The following PHKB variants were observed in gnomAD, a reference collection of about 807,000 sequenced individuals.
PHKB encodes the protein phosphorylase b kinase regulatory subunit beta.
A neutral mutation model predicts 152.1 loss-of-function variants in PHKB; 122 were observed. The ratio of observed to expected loss-of-function variants is 0.80; its 90% CI spans 0.69 to 0.93. The LOEUF (loss-of-function observed/expected upper bound fraction) is 0.93, where lower values mean the gene tolerates loss of function less well. PHKB is among the 40% of genes least tolerant of loss of function. PHKB has a pLI of 0.00. For missense variants in PHKB, 1,304 were observed against 1,328.4 expected, an observed-to-expected ratio of 0.98 and a Z score of 0.29; for synonymous variants, 436 against 464.9, an observed-to-expected ratio of 0.94 and a Z score of 0.80.
intron 6 of PHKB, among the ~76,000 whole-genome samples, chr16:47,526,216 C>T (rs892485136): frequency 2.0e-5 from 3 of 147,896 alleles, no homozygotes; most frequent in Non-Finnish European, 4.4e-5. Context: ...CGAGACCAGC[C>T]TGGCCAACAT....
intron 22 of PHKB, 42 bp downstream of exon 22, chr16:47,660,861 C>T: frequency 6.3e-7 from 1 of 1,598,894 alleles, no homozygotes; most frequent in Non-Finnish European, 8.6e-7. Flanking sequence ...AGTGAGGTTG[C>T]TGGAGCAGAA....
chr16:47,561,412 A>AGTGAT (rs1971473700), intron 7 of PHKB: 1 of 152,214 alleles, frequency 6.6e-6, no homozygotes, highest in African/African-American at 2.4e-5. Flanking sequence ...CAAAGAGGAA[A>AGTGAT]GTGATGTCTT....
chr16:47,521,242 T>C (rs2151655532), intron 6 of PHKB, among the ~76,000 whole-genome samples: 1 of 152,332 alleles, frequency 6.6e-6, no homozygotes, highest in East Asian at 1.9e-4. Context: ...TAAATCTTTT[T>C]CTTACCTAAT....
chr16:47,559,094 T>C (rs1971432347), intron 7 of PHKB, among the ~76,000 whole-genome samples: 1 of 152,202 alleles, frequency 6.6e-6, no homozygotes, highest in African/African-American at 2.4e-5. Context: ...GTTAACTGAA[T>C]GTAAGTTTTT....
intron 7 of PHKB, among the ~76,000 whole-genome samples, chr16:47,576,283 T>C (rs1971748246): frequency 6.6e-6 from 1 of 152,252 alleles, no homozygotes; most frequent in African/African-American, 2.4e-5. Flanking sequence ...TTTTGTTTGA[T>C]GCATTTTCTG....
chr16:47,598,070 CTA>C (rs951156274), intron 13 of PHKB: 29 of 152,080 alleles, frequency 1.9e-4, no homozygotes, highest in African/African-American at 7.0e-4. Context: ...CAAATAATGA[CTA>C]AAATAAAATG....
Position 47,648,419 on chromosome 16 carries a change from G to A in PHKB, c.1609-114G>A, listed in dbSNP as rs539564444. On this transcript the variant is annotated intron_variant, in intron 16 of 30. Transcript: ENST00000323584. Reference sequence around the variant, plus strand: ...TCTTCCTACAAGTTTTTGGATTAGGGTTCCCTAGCTTCTTTCTCTCTGGAA... The same window carrying A: ...TCTTCCTACAAGTTTTTGGATTAGGATTCCCTAGCTTCTTTCTCTCTGGAA... 13 of 798,946 alleles carry A rather than the reference G, an allele frequency of 1.6e-5. No homozygotes were observed. The African/African-American group carries it at 1.7e-4, about 10-fold the overall frequency. 49.5% of individuals were successfully genotyped at this position (798,946 alleles called of 1,614,324 possible). A position where few individuals can be genotyped will look rare whatever the true frequency, so the allele number is the denominator to read the frequency against.
At position 47,693,366 on chromosome 16, in the gene PHKB, C is replaced by G; in HGVS notation, c.2766-12C>G. 1 of 1,613,860 alleles carries G rather than the reference C, an allele frequency of 6.2e-7. No homozygotes were observed. Among genetic ancestry groups the G allele is most frequent in the East Asian group, 2.2e-5 (1 of 44,872 alleles). On this transcript the variant is annotated splice_polypyrimidine_tract_variant and intron_variant, in intron 27 of 30. Transcript: ENST00000323584. Reference sequence around the variant, plus strand: ...TGTTCTTCAACTCTGAGACATTTGCCTTTTGTTACAGATGTTGGCTGAACA... The same window carrying G: ...TGTTCTTCAACTCTGAGACATTTGCGTTTTGTTACAGATGTTGGCTGAACA...
At chr16:47,683,218 T>C (rs1054760351) in intron 26 of PHKB, among the ~76,000 whole-genome samples, 1 of 152,188 alleles carries the variant, frequency 6.6e-6, no homozygotes, top group Non-Finnish European at 1.5e-5. Flanking sequence ...GTCAAGGACC[T>C]ACTTGAGGAG....
chr16:47,622,673 G>A (rs1396838714), intron 14 of PHKB, among the ~76,000 whole-genome samples: 2 of 152,116 alleles, frequency 1.3e-5, no homozygotes, highest in Non-Finnish European at 2.9e-5. Context: ...CAATTAAAAT[G>A]GATTGATCTA....
chr16:47,642,067 T>G (rs1973033731), intron 16 of PHKB, among the ~76,000 whole-genome samples: 1 of 152,176 alleles, frequency 6.6e-6, no homozygotes, highest in African/African-American at 2.4e-5. Context: ...AATGTATTCT[T>G]ACATTTTGAT....
At position 47,594,157 on chromosome 16, in the gene PHKB, A is replaced by C. The variant is rs148556721; in HGVS notation, c.1147A>C (p.Lys383Gln). 1.9e-6 allele frequency: 3 copies of C among 1,559,490 alleles called. 1 individual carries two copies. In the South Asian group the frequency reaches 3.3e-5, roughly 17 times the overall value. ...TTTAGGAGTTTTTAGAGGCAATCCT[A>C]AGCAAGTACAGGAATATCAGGATCT... ...MIDGVFRGNP[K>Q]QVQEYQDLLT... is the part of the protein sequence containing the mutation. Residue 383 changes from lysine to glutamine, a missense_variant, in exon 12 of 31, where the codon AAG (lysine) becomes CAG (glutamine). Lys to Gln is a moderately conservative substitution (Grantham distance 53, BLOSUM62 1). Coordinates refer to ENST00000323584, the MANE Select transcript of PHKB (RefSeq NM_000293.3).
intron 2 of PHKB, 102 bp from the exon 3 acceptor site, chr16:47,499,654 A>G: frequency 7.2e-7 from 1 of 1,381,222 alleles, no homozygotes; most frequent in East Asian, 2.3e-5. Context: ...TAGAAACAAA[A>G]TCGTCAGAAG....
intron 1 of PHKB, among the ~76,000 whole-genome samples, chr16:47,488,174 A>G (rs1467258111): frequency 2.0e-5 from 3 of 151,904 alleles, no homozygotes; most frequent in Non-Finnish European, 2.9e-5. Flanking sequence ...TCTGAATTGC[A>G]TTTCTCTAAT....
intron 1 of PHKB, among the ~76,000 whole-genome samples, chr16:47,489,378 T>TA (rs1970106458): frequency 6.6e-6 from 1 of 152,248 alleles, no homozygotes; most frequent in African/African-American, 2.4e-5. Context: ...TCATTTTTGC[T>TA]AAAAAACAAA....
chr16:47,654,008 C>G (rs1973286331), intron 20 of PHKB, among the ~76,000 whole-genome samples: 4 of 152,164 alleles, frequency 2.6e-5, no homozygotes, highest in Admixed American at 2.6e-4. Context: ...AAAAGGGAAT[C>G]AGAAATAGTT....
At chr16:47,586,578 G>A (rs1971939023) in intron 8 of PHKB, among the ~76,000 whole-genome samples, 2 of 152,132 alleles carry the variant, frequency 1.3e-5, no homozygotes, top group Admixed American at 6.5e-5. Flanking sequence ...ATCTGGATAT[G>A]GGGTCTGGTG....
intron 20 of PHKB, among the ~76,000 whole-genome samples, chr16:47,655,711 G>T (rs1408322815): frequency 6.6e-6 from 1 of 152,162 alleles, no homozygotes; most frequent in Non-Finnish European, 1.5e-5. Context: ...CAAAGCTCAA[G>T]TTGGTCAAGA....
intron 6 of PHKB, among the ~76,000 whole-genome samples, chr16:47,531,805 A>G (rs1970865861): frequency 6.6e-6 from 1 of 152,224 alleles, no homozygotes; most frequent in Non-Finnish European, 1.5e-5. Flanking sequence ...CAATCTGAGA[A>G]CTACTATTGG....
Sources: gnomAD v4.1 joint callset for allele counts (sites outside exome capture counted in the v4.1 genomes callset) on GRCh38, gnomAD v4.1.1 for gene constraint, MANE v1.5 for transcripts, NCBI Gene and HGNC (gene_info 2026-07-23, HGNC 2026-07-21) for gene names.